RACK1: variants seen among roughly 807,000 people sequenced by gnomAD.
RACK1 encodes small ribosomal subunit protein RACK1.
A neutral mutation model predicts 42.2 loss-of-function variants in RACK1; 3 were observed. The ratio of observed to expected loss-of-function variants is 0.07; its 90% CI spans 0.03 to 0.18. RACK1 has a LOEUF of 0.18. Among genes scored for constraint, RACK1 ranks in the 10% least tolerant of loss-of-function variants. The pLI is 1.00. For synonymous variants in RACK1, 181 were observed against 154.8 expected (o/e 1.17, Z -1.25); for missense variants, 146 against 403.2 (o/e 0.36, Z 5.46).
chr5:181,238,552 C>T, intron 5 of RACK1: 1 of 353,328 alleles, frequency 2.8e-6, no homozygotes, highest in South Asian at 2.4e-5. Context: ...TGCCTGTAAT[C>T]CCAGCACTTT....
At chr5:181,243,307 GGCGGCA>G in intron 1 of RACK1, 1 of 1,360,238 alleles carries the variant, frequency 7.4e-7, no homozygotes, top group Non-Finnish European at 9.7e-7. Context: ...CCTTGGGCCG[GGCGGCA>G]GCTCAGAAAC....
At chr5:181,243,285 C>G in intron 1 of RACK1, 3 of 1,357,108 alleles carry the variant, frequency 2.2e-6, no homozygotes, top group Non-Finnish European at 2.9e-6. Flanking sequence ...AGTCCACCTG[C>G]CTCCCCACGA....
chr5:181,243,057 GC>G (rs1680271215), intron 1 of RACK1: 1 of 360,516 alleles, frequency 2.8e-6, no homozygotes, highest in African/African-American at 2.1e-5. Context: ...GCCACTTCAG[GC>G]GCTACAGGAT....
At chr5:181,243,265 G>A in intron 1 of RACK1, 1 of 1,353,196 alleles carries the variant, frequency 7.4e-7, no homozygotes, top group South Asian at 1.1e-5. Flanking sequence ...TGAGCCACGA[G>A]GTCCTCTGGA....
In RACK1 at chr5:181,243,840, G is replaced by A. The variant is rs1287007219; in HGVS notation, c.-40C>T. The stretch of plus-strand genomic sequence containing the variant: ...CGTGTGTCGCTGCAGCGACGAGGAT[G>A]GCACTGGATGGCTTAGAGAAACTAG... On this transcript the variant is annotated 5_prime_UTR_variant, in exon 1 of 8. Transcript: ENST00000512805. 21 of 1,563,280 alleles carry A rather than the reference G, an allele frequency of 1.3e-5. No homozygotes were observed. The highest frequency in any genetic ancestry group is 1.6e-5 in the Non-Finnish European group (19 of 1,153,866).
Position 181,238,082 on chromosome 5 carries a change from T to C in RACK1, c.777+17A>G, listed in dbSNP as rs756226455. The C allele has an allele frequency of 2.0e-5, 33 of 1,613,742 alleles. No individual in the cohort carries two copies. Among genetic ancestry groups the C allele is most frequent in the Non-Finnish European group, 2.1e-5 (25 of 1,179,824 alleles). ...AGAGTGCAGCCAGGTACCCAGTCAA[T>C]TGTAACCCACACTCACCCAGATCTT... On this transcript the variant is annotated intron_variant, in intron 6 of 7. Transcript: ENST00000512805.
At position 181,238,081 on chromosome 5, in the gene RACK1, A is replaced by G. The variant is rs752683404; in HGVS notation, c.777+18T>C. ...CAGAGTGCAGCCAGGTACCCAGTCA[A>G]TTGTAACCCACACTCACCCAGATCT... is the stretch of plus-strand genomic sequence containing the variant. On this transcript the variant is annotated intron_variant, in intron 6 of 7. Transcript: ENST00000512805. 12 of 1,613,884 alleles carry G rather than the reference A, an allele frequency of 7.4e-6. No individual in the cohort carries two copies. The highest frequency in any genetic ancestry group is 1.7e-4 in the Middle Eastern group (1 of 6,060).
At chr5:181,242,712 A>G in intron 1 of RACK1, 2 of 355,408 alleles carry the variant, frequency 5.6e-6, no homozygotes, top group Non-Finnish European at 1.1e-5. Flanking sequence ...GCCAGCTGGC[A>G]CCTGCCAGCA....
Position 181,239,130 on chromosome 5 carries a change from G to A in RACK1, c.573C>T (p.His191=). ...NCKLKTNHIG[H]TGYLNTVTVS... is the part of the protein sequence containing the mutation. ...CAGTCACCGTGTTCAGATAGCCTGT[G>A]TGGCCAATGTGGTTGGTCTTCAGCT... Residue 191 remains histidine, a synonymous_variant, in exon 5 of 8, where the codon CAC becomes CAT. Coordinates refer to ENST00000512805, the MANE Select transcript of RACK1 (RefSeq NM_006098.5). 6.2e-7 allele frequency: 1 copy of A among 1,614,046 alleles called. No individual in the cohort carries two copies. Among genetic ancestry groups the A allele is most frequent in the Non-Finnish European group, 8.5e-7 (1 of 1,179,954 alleles).
chr5:181,242,255 C>G lies in RACK1; in HGVS notation c.200G>C (p.Ser67Thr). The change falls in exon 2 of 8, where the codon AGT becomes ACT. Residue 67 changes from serine to threonine, a missense_variant. By Grantham distance (58) the Ser-to-Thr change is moderately conservative. Coordinates refer to ENST00000512805, the MANE Select transcript of RACK1 (RefSeq NM_006098.5). ...GCCATCTGAGGAGATAACCACATCA[C>G]TAACAAAGTGGGAGTGACCCCGCAG... ...RALRGHSHFV[S>T]DVVISSDGQF... is the part of the protein sequence containing the mutation. The G allele has an allele frequency of 6.2e-7, 1 of 1,613,984 alleles. No homozygotes were observed. The highest frequency in any genetic ancestry group is 8.5e-7 in the Non-Finnish European group (1 of 1,179,838).
intron 2 of RACK1, 63 bp from the exon 3 acceptor site, chr5:181,241,702 A>C: frequency 1.9e-6 from 3 of 1,555,516 alleles, no homozygotes; most frequent in South Asian, 1.1e-5. Context: ...GGTCAGACTC[A>C]TTTCCTGGGC....
intron 5 of RACK1, 76 bp downstream of exon 5, chr5:181,238,991 C>T (rs188708828): frequency 4.9e-5 from 45 of 919,440 alleles, no homozygotes; most frequent in African/African-American, 4.9e-4. Flanking sequence ...TGCCATTTTA[C>T]GTTAGAGACG....
Position 181,243,771 on chromosome 5 carries a change from G to A in RACK1, c.30C>T (p.Thr10=). 2 of 1,608,362 alleles carry A rather than the reference G, an allele frequency of 1.2e-6. No homozygotes were observed. Among genetic ancestry groups the A allele is most frequent in the Non-Finnish European group, 1.7e-6 (2 of 1,177,476 alleles). ...TTACCCAGCCGTTGTGGCCCTTGAG[G>A]GTGCCACGAAGGGTCATCTGCTCAG... MTEQMTLRG[T]LKGHNGWVTQ... Residue 10 remains threonine, a synonymous_variant, in exon 1 of 8, where the codon ACC becomes ACT. Coordinates refer to ENST00000512805, the MANE Select transcript of RACK1 (RefSeq NM_006098.5).
intron 1 of RACK1, 116 bp from the exon 2 acceptor site, chr5:181,242,461 A>G: frequency 7.0e-6 from 5 of 711,802 alleles, no homozygotes; most frequent in East Asian, 2.7e-5. Flanking sequence ...AAGGACGCTT[A>G]AGGAGGGATG....
chr5:181,237,756 A>C (rs972626674), intron 6 of RACK1, 37 bp from the exon 7 acceptor site: 9 of 1,097,078 alleles, frequency 8.2e-6, no homozygotes, highest in African/African-American at 2.8e-5. Context: ...AAGACTTACC[A>C]ATCAAGAGAG....
chr5:181,237,257 G>A (rs1486290814), intron 7 of RACK1: 22 of 892,504 alleles, frequency 2.5e-5, no homozygotes, highest in Non-Finnish European at 3.6e-5. Flanking sequence ...CCACAACGCC[G>A]GGTAGACTGT....
At chr5:181,237,961 C>T (rs1759202904) in intron 6 of RACK1, 138 bp downstream of exon 6, 1 of 915,084 alleles carries the variant, frequency 1.1e-6, no homozygotes, top group South Asian at 1.5e-5. Context: ...AACAGAGTTA[C>T]TCAGACCAAA....
intron 5 of RACK1, chr5:181,238,754 G>A (rs1045758967): frequency 2.1e-5 from 8 of 380,062 alleles, no homozygotes; most frequent in East Asian, 2.0e-4. Context: ...AGCCGAGATC[G>A]CGCCACTGCA....
chr5:181,243,148 C>T, intron 1 of RACK1: 1 of 656,696 alleles, frequency 1.5e-6, no homozygotes, highest in Non-Finnish European at 2.4e-6. Flanking sequence ...TCAGACAATT[C>T]TTAACAGTGT....
Sources: gnomAD v4.1 joint callset for allele counts on GRCh38, gnomAD v4.1.1 for gene constraint, MANE v1.5 for transcripts, NCBI Gene and HGNC (gene_info 2026-07-23, HGNC 2026-07-21) for gene names.